DKK2: variants seen among roughly 807,000 people sequenced by gnomAD.
DKK2 encodes dickkopf-related protein 2.
DKK2 carries 11 observed loss-of-function variants against 28.1 expected under a neutral mutation model. That is an observed-to-expected ratio of 0.39 (90% confidence interval 0.25 to 0.65). The LOEUF (loss-of-function observed/expected upper bound fraction) is 0.65, where lower values mean the gene tolerates loss of function less well. Ranked by LOEUF, DKK2 falls within the 30% of genes least tolerant of loss-of-function variation. The pLI, the probability that DKK2 is intolerant of heterozygous loss-of-function variation, is 0.47. For synonymous variants in DKK2, 135 were observed against 126.5 expected, an observed-to-expected ratio of 1.07 and a Z score of -0.45; for missense variants, 326 against 335.5, an observed-to-expected ratio of 0.97 and a Z score of 0.22.
rs370872142 is a variant in DKK2 at position 106,961,868 on chromosome 4, C to G, written c.223-35919G>C. ...TTTTTCTGAGAATGATGTATTATGA[C>G]ATACGCAAAGCACTTAAAACAATAT... On this transcript the variant is annotated intron_variant, in intron 1 of 3. Coordinates refer to ENST00000285311, the MANE Select transcript of DKK2 (RefSeq NM_014421.3). Among the ~76,000 whole-genome samples the G allele has an allele frequency of 3.3e-5, 5 of 152,244 alleles. No individual in the cohort carries two copies. In the East Asian group the frequency reaches 5.8e-4, roughly 18 times the overall value.
At chr4:107,030,297 AGAG>A (rs958596172) in intron 1 of DKK2, among the ~76,000 whole-genome samples, 95 of 152,212 alleles carry the variant, frequency 6.2e-4, no homozygotes, top group African/African-American at 2.2e-3. Flanking sequence ...AAGAGTGGAC[AGAG>A]GAGGAACAGA....
chr4:107,006,709 T>A, intron 1 of DKK2, among the ~76,000 whole-genome samples: 1 of 152,206 alleles, frequency 6.6e-6, no homozygotes, highest in East Asian at 1.9e-4. Context: ...GAAAGACAAG[T>A]GAAAAGGCAG....
intron 1 of DKK2, among the ~76,000 whole-genome samples, chr4:106,979,187 C>A (rs1309378516): frequency 6.6e-6 from 1 of 151,910 alleles, no homozygotes; most frequent in Non-Finnish European, 1.5e-5. Context: ...TGTGGCCATC[C>A]TTTATAAAGG....
chr4:106,940,003 A>T (rs566383787), intron 1 of DKK2, among the ~76,000 whole-genome samples: 2 of 152,278 alleles, frequency 1.3e-5, no homozygotes, highest in South Asian at 4.1e-4. Context: ...AACCATAAAA[A>T]CCCTAGAAGA....
intron 1 of DKK2, among the ~76,000 whole-genome samples, chr4:106,926,165 G>A (rs2110339170): frequency 6.6e-6 from 1 of 152,228 alleles, no homozygotes; most frequent in African/African-American, 2.4e-5. Context: ...AGATAAAGCT[G>A]ACGCTGTTTG....
chr4:106,944,120 C>T (rs1186069787), intron 1 of DKK2, among the ~76,000 whole-genome samples: 1 of 152,070 alleles, frequency 6.6e-6, no homozygotes, highest in African/African-American at 2.4e-5. Flanking sequence ...TAGACTTCAA[C>T]ATCTTGTTGG....
intron 1 of DKK2, among the ~76,000 whole-genome samples, chr4:106,977,952 C>G (rs1022147368): frequency 5.9e-5 from 9 of 152,144 alleles, no homozygotes; most frequent in African/African-American, 2.2e-4. Context: ...GATGTTGATG[C>G]TATTCCTTTC....
intron 1 of DKK2, among the ~76,000 whole-genome samples, chr4:106,962,404 T>C (rs1722698698): frequency 1.3e-5 from 2 of 151,790 alleles, no homozygotes; most frequent in Admixed American, 1.3e-4. Context: ...AATCCAGGCA[T>C]TGACAGCCAA....
chr4:107,025,130 A>C (rs4956277), intron 1 of DKK2, among the ~76,000 whole-genome samples: 35,980 of 151,974 alleles, frequency 0.24, 4,636 homozygotes, highest in East Asian at 0.53. Flanking sequence ...AAACTGAGAG[A>C]GGACTGGGAA....
intron 1 of DKK2, among the ~76,000 whole-genome samples, chr4:106,983,337 G>GAAGAAAGAAAGAAGA: frequency 8.3e-6 from 1 of 120,506 alleles, no homozygotes; most frequent in African/African-American, 3.1e-5. Flanking sequence ...AGGAAGAAAG[G>GAAGAAAGAAAGAAGA]AAGAAAGAAA....
chr4:106,962,322 G>C (rs1175928327), intron 1 of DKK2, among the ~76,000 whole-genome samples: 2 of 151,960 alleles, frequency 1.3e-5, no homozygotes, highest in Non-Finnish European at 2.9e-5. Context: ...AATTTATATG[G>C]ACCACAAAAG....
intron 1 of DKK2, among the ~76,000 whole-genome samples, chr4:106,966,512 A>C (rs1722783321): frequency 6.6e-6 from 1 of 152,214 alleles, no homozygotes. Flanking sequence ...TGTGTTAGAA[A>C]CTAAACTAAA....
In DKK2 at chr4:106,959,536, G is replaced by T. The variant is rs146803289; in HGVS notation, c.223-33587C>A. Among the ~76,000 whole-genome samples, 674 of 152,124 alleles carry T rather than the reference G, an allele frequency of 4.4e-3. 5 individuals carry two copies. Among genetic ancestry groups the T allele is most frequent in the African/African-American group, 0.016 (649 of 41,530 alleles). ...TTGCCTAAGAGGATATACAGATTAA[G>T]TGTGATCTAGACTCAAAATTTGTAA... is the stretch of plus-strand genomic sequence containing the variant. On this transcript the variant is annotated intron_variant, in intron 1 of 3. Coordinates refer to ENST00000285311, the MANE Select transcript of DKK2 (RefSeq NM_014421.3).
chr4:107,029,861 G>A (rs1298312548), intron 1 of DKK2, among the ~76,000 whole-genome samples: 1 of 151,984 alleles, frequency 6.6e-6, no homozygotes, highest in African/African-American at 2.4e-5. Flanking sequence ...TATTTAAAAG[G>A]ATATCTGATG....
intron 1 of DKK2, among the ~76,000 whole-genome samples, chr4:107,032,605 G>A (rs911154223): frequency 6.6e-6 from 1 of 152,044 alleles, no homozygotes; most frequent in African/African-American, 2.4e-5. Flanking sequence ...ATCCATTTAA[G>A]AGAAAGAACA....
chr4:106,991,376 T>C (rs1723202396), intron 1 of DKK2, among the ~76,000 whole-genome samples: 1 of 152,148 alleles, frequency 6.6e-6, no homozygotes, highest in Non-Finnish European at 1.5e-5. Context: ...CTTCATGTTC[T>C]TGCCTGCCAT....
At chr4:106,975,560 G>A (rs1722931737) in intron 1 of DKK2, among the ~76,000 whole-genome samples, 1 of 152,102 alleles carries the variant, frequency 6.6e-6, no homozygotes, top group South Asian at 2.1e-4. Flanking sequence ...ATGGTAGTTT[G>A]TATTTGTGTG....
At chr4:107,002,714 G>A (rs757383140) in intron 1 of DKK2, among the ~76,000 whole-genome samples, 1 of 152,244 alleles carries the variant, frequency 6.6e-6, no homozygotes, top group Non-Finnish European at 1.5e-5. Context: ...TACTAGACCT[G>A]GATTTCTGGG....
Position 106,923,996 on chromosome 4 carries a change from G to A in DKK2, c.738C>T (p.Thr246=). ...GLSCKVWKDA[T]YSSKARLHVC... Reference sequence around the variant, plus strand: ...CATGGAGTCTGGCTTTGGAGGAGTAGGTGGCATCTTTCCATACTTTGCAAG... The same window carrying A: ...CATGGAGTCTGGCTTTGGAGGAGTAAGTGGCATCTTTCCATACTTTGCAAG... Residue 246 remains threonine, a synonymous_variant, in exon 4 of 4, where the codon ACC becomes ACT. Coordinates refer to ENST00000285311, the MANE Select transcript of DKK2 (RefSeq NM_014421.3). 8 of 1,613,958 alleles carry A rather than the reference G, an allele frequency of 5.0e-6. No individual in the cohort carries two copies. The highest frequency in any genetic ancestry group is 1.3e-5 in the African/African-American group (1 of 75,006).
Sources: allele counts gnomAD v4.1 joint callset (sites outside exome capture counted in the v4.1 genomes callset), GRCh38; gene constraint gnomAD v4.1.1; transcripts MANE v1.5; gene names NCBI Gene and HGNC (gene_info 2026-07-23, HGNC 2026-07-21).